The following TBC1D4 variants were observed in gnomAD, a reference collection of about 807,000 sequenced individuals.
TBC1D4 encodes TBC (Tre-2, BUB2, CDC16) domain-containing protein.
A neutral mutation model predicts 142.5 loss-of-function variants in TBC1D4; 121 were observed. That is an observed-to-expected ratio of 0.85 (90% CI 0.73 to 0.99). The LOEUF is 0.99. Ranked by LOEUF, TBC1D4 falls within the 50% of genes least tolerant of loss-of-function variation. TBC1D4 has a pLI of 0.00. For missense variants in TBC1D4, 1,475 were observed against 1,606.6 expected, an observed-to-expected ratio of 0.92 and a Z score of 1.40; for synonymous variants, 630 against 628.2, an observed-to-expected ratio of 1.00 and a Z score of -0.04.
chr13:75,463,427 C>A (rs913657028), intron 1 of TBC1D4, among the ~76,000 whole-genome samples: 6 of 152,282 alleles, frequency 3.9e-5, no homozygotes, highest in African/African-American at 1.4e-4. Flanking sequence ...GACTCCATCC[C>A]AATGGCCCAT....
intron 1 of TBC1D4, among the ~76,000 whole-genome samples, chr13:75,445,497 T>C (rs1439674351): frequency 3.9e-5 from 6 of 152,144 alleles, no homozygotes; most frequent in Non-Finnish European, 7.4e-5. Context: ...ACTCTAAGAA[T>C]CCACTGAGAT....
rs545819518 is a variant in TBC1D4 at position 75,482,107 on chromosome 13, G to T, written c.-340C>A. The T allele has an allele frequency of 2.2e-5, 5 of 224,636 alleles. No individual in the cohort carries two copies. In the East Asian group the frequency reaches 4.4e-4, roughly 20 times the overall value. The allele number at this position is 224,636 out of a possible 1,614,324, so 13.9% of individuals were successfully genotyped here. ...TCAGAGGACCACGCCGAGGGTCCCC[G>T]CGGCCGCCGGCTCCAGCGCTGCAGC... On this transcript the variant is annotated 5_prime_UTR_variant, in exon 1 of 21. Transcript: ENST00000377636.
At chr13:75,450,818 C>T (rs1443193628) in intron 1 of TBC1D4, among the ~76,000 whole-genome samples, 1 of 152,176 alleles carries the variant, frequency 6.6e-6, no homozygotes, top group African/African-American at 2.4e-5. Context: ...CTAGCTTGGC[C>T]ATTCTCCATT....
intron 7 of TBC1D4, among the ~76,000 whole-genome samples, chr13:75,339,989 CA>C (rs1416674984): frequency 6.6e-6 from 1 of 152,226 alleles, no homozygotes; most frequent in Admixed American, 6.5e-5. Context: ...ACTCCAGCTC[CA>C]AAGCAAAGAC....
At chr13:75,464,694 G>C (rs1337310679) in intron 1 of TBC1D4, among the ~76,000 whole-genome samples, 2 of 152,196 alleles carry the variant, frequency 1.3e-5, no homozygotes, top group African/African-American at 2.4e-5. Context: ...AAATGCCCTT[G>C]ATCTTGCATT....
At chr13:75,292,876 C>T (rs965900721) in intron 18 of TBC1D4, among the ~76,000 whole-genome samples, 1 of 152,104 alleles carries the variant, frequency 6.6e-6, no homozygotes, top group Non-Finnish European at 1.5e-5. Context: ...AGTACTAGGC[C>T]GGGCGTGTTG....
chr13:75,382,129 C>T (rs1420359858), intron 1 of TBC1D4, among the ~76,000 whole-genome samples: 1 of 152,140 alleles, frequency 6.6e-6, no homozygotes, highest in African/African-American at 2.4e-5. Context: ...ATATCCTCAC[C>T]TCCAGCCTCT....
At chr13:75,376,517 A>C (rs925807192) in intron 1 of TBC1D4, among the ~76,000 whole-genome samples, 17 of 152,066 alleles carry the variant, frequency 1.1e-4, no homozygotes, top group African/African-American at 4.1e-4. Context: ...AGCTGGAATT[A>C]CAGGCATGTG....
intron 1 of TBC1D4, among the ~76,000 whole-genome samples, chr13:75,433,464 C>T (rs956306947): frequency 6.6e-6 from 1 of 152,138 alleles, no homozygotes; most frequent in Admixed American, 6.5e-5. Context: ...AATCTACTGT[C>T]CCTTGTTAAG....
chr13:75,413,625 C>A (rs1318332456), intron 1 of TBC1D4, among the ~76,000 whole-genome samples: 1 of 152,148 alleles, frequency 6.6e-6, no homozygotes, highest in East Asian at 1.9e-4. Context: ...AAACCTAGGA[C>A]CACACCTGCA....
intron 8 of TBC1D4, among the ~76,000 whole-genome samples, chr13:75,330,736 A>C (rs1879676053): frequency 6.6e-6 from 1 of 152,272 alleles, no homozygotes; most frequent in Non-Finnish European, 1.5e-5. Context: ...GGTTACATGG[A>C]ATTTTGTAAA....
chr13:75,410,072 A>G (rs2138392434), intron 1 of TBC1D4, among the ~76,000 whole-genome samples: 1 of 152,334 alleles, frequency 6.6e-6, no homozygotes, highest in Admixed American at 6.5e-5. Context: ...AAACAAAATA[A>G]CAGCACTCTC....
At chr13:75,324,180 A>G (rs186721526) in intron 11 of TBC1D4, 57 bp downstream of exon 11, 5 of 1,597,856 alleles carry the variant, frequency 3.1e-6, no homozygotes, top group East Asian at 4.5e-5. Flanking sequence ...TTTTAGTAAC[A>G]TATCAGTATA....
At chr13:75,335,310 G>C (rs567447455) in intron 8 of TBC1D4, among the ~76,000 whole-genome samples, 71 of 152,254 alleles carry the variant, frequency 4.7e-4, no homozygotes, top group African/African-American at 1.7e-3. Context: ...GGTCCCCCAT[G>C]CCACAGCCCA....
At chr13:75,338,086 G>A (rs1880375094) in intron 7 of TBC1D4, among the ~76,000 whole-genome samples, 1 of 152,080 alleles carries the variant, frequency 6.6e-6, no homozygotes, top group Admixed American at 6.5e-5. Context: ...TGAATGTAAT[G>A]TTTTAGGGAG....
At chr13:75,428,726 T>A (rs906476415) in intron 1 of TBC1D4, among the ~76,000 whole-genome samples, 1 of 152,244 alleles carries the variant, frequency 6.6e-6, no homozygotes, top group Admixed American at 6.5e-5. Context: ...ACTCTTCATC[T>A]GAAGCAACAT....
rs1034677650 is a variant in TBC1D4, at chr13:75,299,321, G to C, written c.3156+9C>G. 2.5e-6 allele frequency: 4 copies of C among 1,613,958 alleles called. No individual in the cohort carries two copies. In the Admixed American group the frequency reaches 6.7e-5, roughly 27 times the overall value. On this transcript the variant is annotated intron_variant, in intron 17 of 20. Coordinates refer to ENST00000377636, the MANE Select transcript of TBC1D4 (RefSeq NM_014832.5). ...CTCACACCTTCCTCGGGAAGCACAAGTGCCTCACCTGCAGCGACATCATGT... is the reference window on the plus strand; with the variant it reads ...CTCACACCTTCCTCGGGAAGCACAACTGCCTCACCTGCAGCGACATCATGT...
At chr13:75,442,515 T>C (rs1254444793) in intron 1 of TBC1D4, among the ~76,000 whole-genome samples, 1 of 151,934 alleles carries the variant, frequency 6.6e-6, no homozygotes, top group Non-Finnish European at 1.5e-5. Context: ...GTCAGGGATT[T>C]GGTAGGGGAA....
intron 1 of TBC1D4, among the ~76,000 whole-genome samples, chr13:75,463,234 AATG>A (rs921335554): frequency 1.2e-4 from 19 of 152,122 alleles, no homozygotes; most frequent in African/African-American, 4.3e-4. Context: ...GCAGTAGTGT[AATG>A]ATGTTACTCA....
Sources: gnomAD v4.1 joint callset for allele counts (sites outside exome capture counted in the v4.1 genomes callset) on GRCh38, gnomAD v4.1.1 for gene constraint, MANE v1.5 for transcripts, NCBI Gene and HGNC (gene_info 2026-07-23, HGNC 2026-07-21) for gene names.